PILRA: variants seen among roughly 807,000 people sequenced by gnomAD.
PILRA encodes paired immunoglobin like type 2 receptor alpha.
PILRA carries 37 observed loss-of-function variants against 33.1 expected under a neutral mutation model. The observed-to-expected ratio is 1.12, with a 90% CI of 0.86 to 1.47. PILRA has a LOEUF of 1.47. Ranked by LOEUF, PILRA falls within the 40% of genes most tolerant of loss-of-function variation. The pLI, the probability that PILRA is intolerant of heterozygous loss-of-function variation, is 0.00. For synonymous variants in PILRA, 146 were observed against 149.9 expected (o/e 0.97, Z 0.19); for missense variants, 312 against 376.2 (o/e 0.83, Z 1.41).
intron 2 of PILRA, among the ~76,000 whole-genome samples, chr7:100,380,691 C>T (rs1016882940): frequency 6.6e-6 from 1 of 152,036 alleles, no homozygotes; most frequent in Non-Finnish European, 1.5e-5. Flanking sequence ...TGTGGCCTGT[C>T]GTGATAGTTC....
intron 2 of PILRA, among the ~76,000 whole-genome samples, chr7:100,374,976 T>C (rs1341372626): frequency 6.6e-6 from 1 of 152,178 alleles, no homozygotes; most frequent in Admixed American, 6.5e-5. Flanking sequence ...TGGGTTCCCA[T>C]CTGCCCACTT....
chr7:100,397,784 T>C, intron 3 of PILRA, 95 bp from the exon 4 acceptor site: 1 of 1,336,870 alleles, frequency 7.5e-7, no homozygotes, highest in Non-Finnish European at 1.1e-6. Context: ...CCGGTCCCTC[T>C]AAGGAGGGCC....
chr7:100,372,497 C>T (rs1790841543), upstream of PILRA, among the ~76,000 whole-genome samples: 2 of 151,830 alleles, frequency 1.3e-5, no homozygotes, highest in South Asian at 4.1e-4. Flanking sequence ...GTGGGCAGAG[C>T]CTCCTACGGA....
At chr7:100,392,638 G>A (rs1257382395) in intron 3 of PILRA, among the ~76,000 whole-genome samples, 1 of 152,002 alleles carries the variant, frequency 6.6e-6, no homozygotes, top group African/African-American at 2.4e-5. Context: ...GTACAATATT[G>A]GCATATTCAT....
intron 3 of PILRA, 129 bp from the exon 4 acceptor site, chr7:100,397,750 T>G: frequency 1.1e-6 from 1 of 918,836 alleles, no homozygotes; most frequent in Non-Finnish European, 1.7e-6. Context: ...TCCTGATGGG[T>G]TTGGGTGGAG....
rs1200140391 is a variant in PILRA at position 100,397,869 on chromosome 7, C to A, written c.674-10C>A. On this transcript the variant is annotated splice_polypyrimidine_tract_variant and intron_variant, in intron 3 of 6. Coordinates refer to ENST00000198536, the MANE Select transcript of PILRA (RefSeq NM_013439.3). ...GATGCCACCCTGACTCACTGTTGGT[C>A]CCCCTACAGGTCAGCAGCGGACTAA... 6.2e-7 allele frequency: 1 copy of A among 1,613,418 alleles called. No homozygotes were observed. Among genetic ancestry groups the A allele is most frequent in the Admixed American group, 1.7e-5 (1 of 60,004 alleles).
chr7:100,381,444 C>CAAAA (rs60123996), intron 2 of PILRA, among the ~76,000 whole-genome samples: 2 of 82,076 alleles, frequency 2.4e-5, no homozygotes, highest in African/African-American at 4.7e-5. Flanking sequence ...GATCCTGACT[C>CAAAA]AAAAAAAAAA....
At chr7:100,382,867 A>G (rs1043382491) in intron 2 of PILRA, among the ~76,000 whole-genome samples, 2 of 152,200 alleles carry the variant, frequency 1.3e-5, no homozygotes, top group Non-Finnish European at 2.9e-5. Flanking sequence ...AACTCTGAAC[A>G]CATCCAAACA....
At chr7:100,375,430 G>C (rs1273166088) in intron 2 of PILRA, among the ~76,000 whole-genome samples, 2 of 152,208 alleles carry the variant, frequency 1.3e-5, no homozygotes. Context: ...GTGCAGATGG[G>C]ATTTGGTAGG....
chr7:100,374,725 C>G, intron 2 of PILRA: 1 of 470,634 alleles, frequency 2.1e-6, no homozygotes, highest in Non-Finnish European at 3.9e-6. Context: ...ATCCTTCATT[C>G]TTTCTCCAAA....
chr7:100,378,739 TTCC>T (rs930553004), intron 2 of PILRA, among the ~76,000 whole-genome samples: 10 of 151,786 alleles, frequency 6.6e-5, no homozygotes, highest in Non-Finnish European at 1.3e-4. Context: ...CCCTCCATAT[TTCC>T]TCGTTATTAA....
chr7:100,379,653 C>T (rs191402803), intron 2 of PILRA, among the ~76,000 whole-genome samples: 452 of 125,480 alleles, frequency 3.6e-3, no homozygotes, highest in Non-Finnish European at 5.7e-3. Context: ...GAGCAACAGA[C>T]GGAGACTCTG....
rs1462741970 is a variant in PILRA, at chr7:100,374,047, G to A, written c.68G>A (p.Gly23Asp). 6.2e-7 allele frequency: 1 copy of A among 1,613,430 alleles called. No homozygotes were observed. Among genetic ancestry groups the A allele is most frequent in the Admixed American group, 1.7e-5 (1 of 59,996 alleles). ...ACTCACTCCCTCCCTCCTCTAGGTG[G>A]CTCCACAGGATCTGGTCCAAGCTAC... ...LLPPAFLQPS[G>D]STGSGPSYLY... Residue 23 changes from glycine to aspartate, a missense_variant, in exon 2 of 7, where the codon GGC becomes GAC. Physicochemically the swap from Gly to Asp is moderately conservative, Grantham distance 94. Coordinates refer to ENST00000198536, the MANE Select transcript of PILRA (RefSeq NM_013439.3).
chr7:100,379,978 G>A (rs1039734413), intron 2 of PILRA, among the ~76,000 whole-genome samples: 2 of 152,190 alleles, frequency 1.3e-5, no homozygotes, highest in South Asian at 2.1e-4. Context: ...TGCTGGCCCC[G>A]AGTACCCCTG....
At chr7:100,388,749 C>CA (rs913179599) in intron 2 of PILRA, among the ~76,000 whole-genome samples, 1,964 of 12,764 alleles carry the variant, frequency 0.15, 406 homozygotes, top group Non-Finnish European at 0.23. Context: ...GCCTCCGTCT[C>CA]AAAAAAAAAA....
At chr7:100,390,738 T>C (rs1791373731) in intron 3 of PILRA, among the ~76,000 whole-genome samples, 1 of 152,042 alleles carries the variant, frequency 6.6e-6, no homozygotes, top group Non-Finnish European at 1.5e-5. Context: ...GAGGGTGGTG[T>C]AGAGGTCACT....
At chr7:100,380,974 A>AAAAAAC (rs1791078348) in intron 2 of PILRA, among the ~76,000 whole-genome samples, 1 of 151,180 alleles carries the variant, frequency 6.6e-6, no homozygotes, top group South Asian at 2.1e-4. Flanking sequence ...CCATCTCCAA[A>AAAAAAC]AAAAACAAAA....
chr7:100,399,473 C>T, intron 5 of PILRA, 108 bp from the exon 6 acceptor site: 1 of 1,439,010 alleles, frequency 6.9e-7, no homozygotes, highest in African/African-American at 1.4e-5. Context: ...CCTCACGTGA[C>T]CCTGGCCCTG....
At chr7:100,381,627 C>T (rs1791096079) in intron 2 of PILRA, among the ~76,000 whole-genome samples, 1 of 152,240 alleles carries the variant, frequency 6.6e-6, no homozygotes, top group Admixed American at 6.5e-5. Flanking sequence ...CCACTCTGGC[C>T]GCACTTGAAG....
Sources: gnomAD v4.1 joint callset for allele counts (sites outside exome capture counted in the v4.1 genomes callset) on GRCh38, gnomAD v4.1.1 for gene constraint, MANE v1.5 for transcripts, NCBI Gene and HGNC (gene_info 2026-07-23, HGNC 2026-07-21) for gene names.